GPR33: variants seen among roughly 807,000 people sequenced by gnomAD.
GPR33 encodes the protein probable G protein-coupled receptor 33.
A neutral mutation model predicts 3.1 loss-of-function variants in GPR33; 4 were observed. That is an observed-to-expected ratio of 1.29 (90% CI 0.64 to 2.96). GPR33 has a LOEUF of 2.96. Ranked by LOEUF, GPR33 falls within the 30% of genes most tolerant of loss-of-function variation. The probability of loss-of-function intolerance (pLI) is 0.01; values close to 1 mark genes in which losing one functional copy is unlikely to be tolerated. For synonymous variants in GPR33, 138 were observed against 142.0 expected, an observed-to-expected ratio of 0.97 and a Z score of 0.20; for missense variants, 390 against 388.9, an observed-to-expected ratio of 1.00 and a Z score of -0.02.
chr14:31,483,169 C>T lies in GPR33; in HGVS notation c.797G>A (p.Gly266Asp). The change falls in exon 2 of 2, where the codon GGC (glycine) becomes GAC (aspartate). Residue 266 changes from glycine (G) to aspartate (D), a missense_variant. By Grantham distance (94) the Gly-to-Asp change is moderately conservative (BLOSUM62 -1). Coordinates refer to ENST00000399285, the MANE Select transcript of GPR33 (RefSeq NM_001197184.3). ...VCWMPYHIHQ[G>D]LLLTTNQSLL... is the part of the protein sequence containing the mutation. ...TGACTGGTTCGTAGTGAGAAGTAAG[C>T]CCTGGTGTATATGGTAGGGCATCCA... 6.5e-7 allele frequency: 1 copy of T among 1,536,040 alleles called. No individual in the cohort carries two copies. Among genetic ancestry groups the T allele is most frequent in the African/African-American group, 1.4e-5 (1 of 73,142 alleles).
In GPR33 at chr14:31,487,929, T is replaced by C. The variant is rs376792290; in HGVS notation, c.-39A>G. 1 of 152,144 alleles carries C rather than the reference T, an allele frequency of 6.6e-6. No individual in the cohort carries two copies. The highest frequency in any genetic ancestry group is 1.9e-4 in the East Asian group (1 of 5,166). 9.4% of individuals were successfully genotyped at this position (152,144 alleles called of 1,614,324 possible). Reference sequence around the variant, plus strand: ...CTGTATCTTCATGCCAGATTGGTCTTGAGCAGGCCAAAGTGACTCTACACC... The same window carrying C: ...CTGTATCTTCATGCCAGATTGGTCTCGAGCAGGCCAAAGTGACTCTACACC... On this transcript the variant is annotated 5_prime_UTR_variant, in exon 1 of 2. Transcript: ENST00000399285.
In GPR33 at chr14:31,482,996, C is replaced by A; in HGVS notation, c.970G>T (p.Glu324Ter). ...TGTGTCCTTTCTACAGAAGAATCTTCACTAAATGTTGACTCAAACAGAGCA... is the reference window on the plus strand; with the variant it reads ...TGTGTCCTTTCTACAGAAGAATCTTAACTAAATGTTGACTCAAACAGAGCA... Reference protein sequence around the residue: ...ILALFESTFSEDSSVERTQT With the variant: ...ILALFESTFS The change falls in exon 2 of 2, where the codon GAA becomes TAA. Residue 324 changes from glutamate to a stop codon, truncating the protein, a stop_gained. Coordinates refer to ENST00000399285, the MANE Select transcript of GPR33 (RefSeq NM_001197184.3). LOFTEE classifies it high-confidence loss of function. The A allele has an allele frequency of 6.5e-7, 1 of 1,527,360 alleles. No homozygotes were observed. The allele number at this position is 1,527,360 out of a possible 1,614,324, so 94.6% of individuals were successfully genotyped here.
rs1485788606 is a variant in GPR33, at chr14:31,483,660, C to T, written c.306G>A (p.Lys102=). 2.6e-6 allele frequency: 4 copies of T among 1,536,132 alleles called. No individual in the cohort carries two copies. The highest frequency in any genetic ancestry group is 2.0e-5 in the Admixed American group (1 of 51,002). The part of the protein sequence containing the change: ...NHWNFGTALC[K]VFNGTLSLGM... ...CCAGAGACAAAGTGCCATTGAAGAC[C>T]TTGCACAAGGCAGTTCCAAAGTTCC... The change falls in exon 2 of 2, where the codon AAG becomes AAA. Residue 102 remains lysine, a synonymous_variant. Coordinates refer to ENST00000399285, the MANE Select transcript of GPR33 (RefSeq NM_001197184.3).
rs115734296 is a variant in GPR33, at chr14:31,485,902, A to G, written c.-6-1931T>C. ...TTATCTAAAATATCCAATTTCTTGG[A>G]TAATGGATCCCATGGTATCAAAAAT... is the stretch of plus-strand genomic sequence containing the variant. On this transcript the variant is annotated intron_variant, in intron 1 of 1. Transcript: ENST00000399285. Among the ~76,000 whole-genome samples the G allele has an allele frequency of 9.3e-3, 1,415 of 152,282 alleles. 19 individuals carry two copies. Among genetic ancestry groups the G allele is most frequent in the East Asian group, 0.065 (338 of 5,178 alleles).
rs1216035297 is a variant in GPR33, at chr14:31,483,343, C to A, written c.623G>T (p.Ser208Ile). Residue 208 changes from serine (S) to isoleucine (I), a missense_variant, in exon 2 of 2, where the codon AGC (serine) becomes ATC (isoleucine). By Grantham distance (142) the Ser-to-Ile change is moderately radical (BLOSUM62 -2). Coordinates refer to ENST00000399285, the MANE Select transcript of GPR33 (RefSeq NM_001197184.3). ...RQWIHVACFI[S>I]RFLLGFLLPF... is the part of the protein sequence containing the mutation. Reference sequence around the variant, plus strand: ...CAGAAGAAAGCCCAGCAAGAAGCGGCTGATGAAACAGGCCACATGAATCCA... The same window carrying A: ...CAGAAGAAAGCCCAGCAAGAAGCGGATGATGAAACAGGCCACATGAATCCA... 3 of 1,536,044 alleles carry A rather than the reference C, an allele frequency of 2.0e-6. No individual in the cohort carries two copies. Among genetic ancestry groups the A allele is most frequent in the Non-Finnish European group, 2.6e-6 (3 of 1,146,924 alleles).
At position 31,483,002 on chromosome 14, in the gene GPR33, A is replaced by T. The variant is rs781702031; in HGVS notation, c.964T>A (p.Phe322Ile). Residue 322 changes from phenylalanine to isoleucine, a missense_variant, in exon 2 of 2, where the codon TTT becomes ATT. Coordinates refer to ENST00000399285, the MANE Select transcript of GPR33 (RefSeq NM_001197184.3). Reference protein sequence around the residue: ...KSILALFESTFSEDSSVERTQ... With the variant: ...KSILALFESTISEDSSVERTQ... ...CTTTCTACAGAAGAATCTTCACTAA[A>T]TGTTGACTCAAACAGAGCAAGAATG... 1.3e-5 allele frequency: 20 copies of T among 1,530,284 alleles called. No individual in the cohort carries two copies. The highest frequency in any genetic ancestry group is 1.7e-5 in the Non-Finnish European group (20 of 1,145,196). 94.8% of individuals were successfully genotyped at this position (1,530,284 alleles called of 1,614,324 possible).
At chr14:31,485,361 C>T (rs1001456781) in intron 1 of GPR33, among the ~76,000 whole-genome samples, 8 of 151,834 alleles carry the variant, frequency 5.3e-5, no homozygotes, top group African/African-American at 1.7e-4. Flanking sequence ...TCTGGCCGGG[C>T]GCGGTGGCTC....
In GPR33 at chr14:31,483,481, G is replaced by T; in HGVS notation, c.485C>A (p.Pro162His). The part of the protein sequence containing the change: ...VWISAAALSI[P>H]YLIFRETHHD... ...ATGTGTCTCTCTGAAAATCAAATAG[G>T]GGATGCTGAGGGCAGCGGCTGAAAT... Residue 162 changes from proline (P) to histidine (H), a missense_variant, in exon 2 of 2, where the codon CCC becomes CAC. Coordinates refer to ENST00000399285, the MANE Select transcript of GPR33 (RefSeq NM_001197184.3). The T allele has an allele frequency of 6.5e-7, 1 of 1,536,150 alleles. No homozygotes were observed. The highest frequency in any genetic ancestry group is 8.7e-7 in the Non-Finnish European group (1 of 1,146,910).
intron 1 of GPR33, among the ~76,000 whole-genome samples, chr14:31,487,432 GTTTTTT>G (rs752227440): frequency 9.9e-5 from 7 of 70,392 alleles, no homozygotes; most frequent in African/African-American, 2.9e-4. Flanking sequence ...AAGCCCCTCA[GTTTTTT>G]TTTTTTTTTT....
chr14:31,487,532 T>C (rs2032434232), intron 1 of GPR33, among the ~76,000 whole-genome samples: 1 of 141,076 alleles, frequency 7.1e-6, no homozygotes, highest in Admixed American at 7.5e-5. Context: ...CTCCGCCTCC[T>C]GGGTTCAAGT....
In GPR33 at chr14:31,483,382, T is replaced by G. The variant is rs1281111196; in HGVS notation, c.584A>C (p.Gln195Pro). 2.0e-6 allele frequency: 3 copies of G among 1,536,178 alleles called. No individual in the cohort carries two copies. In the Admixed American group the frequency reaches 5.9e-5, roughly 30 times the overall value. ...VSTNWESKEM[Q>P]ASRQWIHVAC... Reference sequence around the variant, plus strand: ...CACATGAATCCACTGCCTTGATGCTTGCATCTCCTTGCTTTCCCAGTTAGT... The same window carrying G: ...CACATGAATCCACTGCCTTGATGCTGGCATCTCCTTGCTTTCCCAGTTAGT... The change falls in exon 2 of 2, where the codon CAA (glutamine) becomes CCA (proline). Residue 195 changes from glutamine to proline, a missense_variant. By Grantham distance (76) the Gln-to-Pro change is moderately conservative (BLOSUM62 -1). Transcript: ENST00000399285.
Position 31,482,895 on chromosome 14 carries a change from T to C in GPR33, c.*69A>G. The C allele has an allele frequency of 7.8e-7, 1 of 1,278,856 alleles. No homozygotes were observed. Among genetic ancestry groups the C allele is most frequent in the Non-Finnish European group, 1.0e-6 (1 of 953,416 alleles). 79.2% of individuals were successfully genotyped at this position (1,278,856 alleles called of 1,614,324 possible). A position where few individuals can be genotyped will look rare whatever the true frequency, so the allele number is the denominator to read the frequency against. On this transcript the variant is annotated 3_prime_UTR_variant, in exon 2 of 2. Transcript: ENST00000399285. ...ATAGCATACAAAAGCAGAAGGTATATCCTATTGGTATAATTGACCAAGTGC... is the reference window on the plus strand; with the variant it reads ...ATAGCATACAAAAGCAGAAGGTATACCCTATTGGTATAATTGACCAAGTGC...
intron 1 of GPR33, among the ~76,000 whole-genome samples, chr14:31,487,673 T>G (rs1652927922): frequency 6.6e-6 from 1 of 151,896 alleles, no homozygotes; most frequent in African/African-American, 2.4e-5. Flanking sequence ...CTCCTGACCT[T>G]GTGATCTGCC....
Position 31,483,038 on chromosome 14 carries a change from A to G in GPR33, c.928T>C (p.Phe310Leu). The G allele has an allele frequency of 6.5e-7, 1 of 1,536,018 alleles. No individual in the cohort carries two copies. The highest frequency in any genetic ancestry group is 8.7e-7 in the Non-Finnish European group (1 of 1,146,842). ...AACAGAGCAAGAATGGACTTCTTGA[A>G]GACCTTTTTGAAATTCTCCCCAACA... ...LFVGENFKKV[F>L]KKSILALFES... Residue 310 changes from phenylalanine to leucine, a missense_variant, in exon 2 of 2, where the codon TTC (phenylalanine) becomes CTC (leucine). Physicochemically the swap from Phe to Leu is conservative, Grantham distance 22. Coordinates refer to ENST00000399285, the MANE Select transcript of GPR33 (RefSeq NM_001197184.3).
intron 1 of GPR33, among the ~76,000 whole-genome samples, chr14:31,485,514 G>A (rs539383201): frequency 9.3e-5 from 14 of 151,240 alleles, no homozygotes; most frequent in African/African-American, 1.7e-4. Flanking sequence ...TGTGCTTGTA[G>A]TCCCAGCTAC....
chr14:31,485,628 ACT>A (rs1262454704), intron 1 of GPR33, among the ~76,000 whole-genome samples: 1 of 132,182 alleles, frequency 7.6e-6, no homozygotes, highest in African/African-American at 2.9e-5. Context: ...ACAGAGCGAG[ACT>A]CTGTCTCAAA....
Position 31,483,243 on chromosome 14 carries a change from G to T in GPR33, c.723C>A (p.Ser241Arg), listed in dbSNP as rs1356905534. The T allele has an allele frequency of 6.5e-7, 1 of 1,536,122 alleles. No individual in the cohort carries two copies. Among genetic ancestry groups the T allele is most frequent in the African/African-American group, 1.4e-5 (1 of 73,154 alleles). ...CAGTCATCATAACTTTGAAGGGCTT[G>T]CTGGATTTAAACAGGCTCCTCTCTT... ...KVKERSLFKS[S>R]KPFKVMMTAI... Residue 241 changes from serine to arginine, a missense_variant, in exon 2 of 2, where the codon AGC becomes AGA. Ser to Arg is a moderately radical substitution (Grantham distance 110). Transcript: ENST00000399285.
chr14:31,483,373 C>T lies in GPR33; in HGVS notation c.593G>A (p.Arg198Lys), dbSNP rs1352809166. 6 of 1,536,138 alleles carry T rather than the reference C, an allele frequency of 3.9e-6. No homozygotes were observed. The highest frequency in any genetic ancestry group is 2.0e-5 in the Admixed American group (1 of 51,006). Residue 198 changes from arginine to lysine, a missense_variant, in exon 2 of 2, where the codon AGG (arginine) becomes AAG (lysine). Transcript: ENST00000399285. ...NWESKEMQAS[R>K]QWIHVACFIS... ...GAAACAGGCCACATGAATCCACTGC[C>T]TTGATGCTTGCATCTCCTTGCTTTC... is the stretch of plus-strand genomic sequence containing the variant.
chr14:31,484,327 G>C (rs778186622), intron 1 of GPR33, among the ~76,000 whole-genome samples: 1 of 152,042 alleles, frequency 6.6e-6, no homozygotes, highest in African/African-American at 2.4e-5. Flanking sequence ...TGTCACCCAG[G>C]CTGGAGTGCA....
Sources: gnomAD v4.1 joint callset for allele counts (sites outside exome capture counted in the v4.1 genomes callset) on GRCh38, gnomAD v4.1.1 for gene constraint, MANE v1.5 for transcripts, NCBI Gene and HGNC (gene_info 2026-07-23, HGNC 2026-07-21) for gene names.